BICC1: variants seen among roughly 807,000 people sequenced by gnomAD.
BICC1 encodes BicC family RNA binding protein 1.
Under a neutral mutation model 111.0 loss-of-function variants are expected in BICC1, and 43 were observed. The ratio of observed to expected loss-of-function variants is 0.39; its 90% CI spans 0.30 to 0.50. The LOEUF is 0.50. BICC1 is among the 20% of genes least tolerant of loss of function. BICC1 has a pLI of 0.88. For missense variants in BICC1, 1,091 were observed against 1,203.2 expected (o/e 0.91, Z 1.38); for synonymous variants, 467 against 434.4 (o/e 1.07, Z -0.93).
At position 58,612,704 on chromosome 10, in the gene BICC1, A is replaced by G. The variant is rs1317253800; in HGVS notation, c.191-8151A>G. Among the ~76,000 whole-genome samples the G allele has an allele frequency of 5.9e-5, 9 of 152,302 alleles. No individual in the cohort carries two copies. The East Asian group carries it at 1.4e-3, about 23-fold the overall frequency. ...TTTGAACTTGGTATTTTCTTGCTCA[A>G]ATTCCAAAGGGGAAGAAACCCCATT... On this transcript the variant is annotated intron_variant, in intron 1 of 20. Coordinates refer to ENST00000373886, the MANE Select transcript of BICC1 (RefSeq NM_001080512.3).
intron 8 of BICC1, among the ~76,000 whole-genome samples, chr10:58,791,962 T>C (rs183927754): frequency 3.3e-4 from 50 of 152,156 alleles, no homozygotes; most frequent in Admixed American, 2.5e-3. Context: ...TGGCTAATTT[T>C]TTTAGTTTTA....
At chr10:58,757,140 G>T (rs1842170602) in intron 3 of BICC1, among the ~76,000 whole-genome samples, 1 of 152,156 alleles carries the variant, frequency 6.6e-6, no homozygotes, top group Non-Finnish European at 1.5e-5. Flanking sequence ...CAAGACTTTA[G>T]AATATACAAG....
chr10:58,739,857 A>G (rs920064400), intron 3 of BICC1, among the ~76,000 whole-genome samples: 13 of 152,216 alleles, frequency 8.5e-5, no homozygotes, highest in Non-Finnish European at 1.9e-4. Context: ...TGAATGGCTT[A>G]TATCTCCACT....
At chr10:58,777,079 A>G (rs920168450) in intron 3 of BICC1, among the ~76,000 whole-genome samples, 5 of 151,058 alleles carry the variant, frequency 3.3e-5, no homozygotes, top group Non-Finnish European at 4.4e-5. Flanking sequence ...TCCAATTCTC[A>G]CACTCCTTAA....
At chr10:58,739,732 T>C (rs1191442436) in intron 3 of BICC1, among the ~76,000 whole-genome samples, 1 of 152,168 alleles carries the variant, frequency 6.6e-6, no homozygotes, top group Non-Finnish European at 1.5e-5. Context: ...TATATAGATA[T>C]ATGTACACAT....
rs150576896 is a variant in BICC1, at chr10:58,515,172, G to T, written c.190+1839G>T. 2.0e-5 allele frequency among the ~76,000 whole-genome samples: 3 copies of T among 152,278 alleles called. No individual in the cohort carries two copies. In the East Asian group the frequency reaches 5.8e-4, roughly 29 times the overall value. ...TTTGTATTAATAGATGTGATACTACGATCTGAGACGGTTTGAAATTGCTTT... is the reference window on the plus strand; with the variant it reads ...TTTGTATTAATAGATGTGATACTACTATCTGAGACGGTTTGAAATTGCTTT... On this transcript the variant is annotated intron_variant, in intron 1 of 20. Transcript: ENST00000373886.
At chr10:58,782,798 AG>A (rs1404470937) in intron 3 of BICC1, among the ~76,000 whole-genome samples, 1 of 152,204 alleles carries the variant, frequency 6.6e-6, no homozygotes, top group Non-Finnish European at 1.5e-5. Context: ...AGCTCAGCCA[AG>A]TATCCTACCT....
chr10:58,776,659 G>A (rs1038582926), intron 3 of BICC1, among the ~76,000 whole-genome samples: 5 of 151,980 alleles, frequency 3.3e-5, no homozygotes, highest in Admixed American at 2.0e-4. Flanking sequence ...TCTTGGCTTC[G>A]TCTCCACCAT....
At chr10:58,676,915 C>CA (rs996050849) in intron 2 of BICC1, among the ~76,000 whole-genome samples, 4 of 152,192 alleles carry the variant, frequency 2.6e-5, no homozygotes, top group African/African-American at 9.7e-5. Flanking sequence ...ACAGGGTCTG[C>CA]AGTGGACCTC....
In BICC1 at chr10:58,829,095, A is replaced by G. The variant is rs1837571033; in HGVS notation, c.*204A>G. On this transcript the variant is annotated 3_prime_UTR_variant, in exon 21 of 21. Coordinates refer to ENST00000373886, the MANE Select transcript of BICC1 (RefSeq NM_001080512.3). ...ATGTCATACAGAACACCAAATATGGATTACTTTTTTAAAATGGCAGTTGGA... is the reference window on the plus strand; with the variant it reads ...ATGTCATACAGAACACCAAATATGGGTTACTTTTTTAAAATGGCAGTTGGA... 2.2e-6 allele frequency: 1 copy of G among 460,106 alleles called. No homozygotes were observed. The highest frequency in any genetic ancestry group is 2.0e-5 in the African/African-American group (1 of 49,216). The allele number at this position is 460,106 out of a possible 1,614,324, so 28.5% of individuals were successfully genotyped here.
At chr10:58,659,956 T>A (rs1466607163) in intron 2 of BICC1, among the ~76,000 whole-genome samples, 1 of 152,174 alleles carries the variant, frequency 6.6e-6, no homozygotes, top group African/African-American at 2.4e-5. Flanking sequence ...GGCATGGAGG[T>A]AGTTTTGTGT....
At position 58,799,183 on chromosome 10, in the gene BICC1, T is replaced by C; in HGVS notation, c.1656T>C (p.Val552=). Residue 552 remains valine (V), a synonymous_variant, in exon 12 of 21, where the codon GTT becomes GTC. Coordinates refer to ENST00000373886, the MANE Select transcript of BICC1 (RefSeq NM_001080512.3). ...CTCCCCCTCCTGGCTTGACTCCTGTTGATGTCCATATCAACAGTATGCAGA... is the reference window on the plus strand; with the variant it reads ...CTCCCCCTCCTGGCTTGACTCCTGTCGATGTCCATATCAACAGTATGCAGA... ...APSPPPGLTP[V]DVHINSMQTE... is the part of the protein sequence containing the mutation. 2 of 1,613,836 alleles carry C rather than the reference T, an allele frequency of 1.2e-6. No homozygotes were observed. Among genetic ancestry groups the C allele is most frequent in the Non-Finnish European group, 1.7e-6 (2 of 1,179,902 alleles).
chr10:58,537,524 C>T (rs970537584), intron 1 of BICC1, among the ~76,000 whole-genome samples: 6 of 151,704 alleles, frequency 4.0e-5, no homozygotes, highest in African/African-American at 1.2e-4. Context: ...TCACAGCTAA[C>T]ATAATACTGA....
At chr10:58,627,180 A>G (rs767048022) in intron 2 of BICC1, among the ~76,000 whole-genome samples, 6 of 152,224 alleles carry the variant, frequency 3.9e-5, no homozygotes, top group Non-Finnish European at 8.8e-5. Context: ...ATAATCTTTA[A>G]TCAACATCTG....
At chr10:58,547,711 T>C (rs1290348848) in intron 1 of BICC1, among the ~76,000 whole-genome samples, 2 of 152,208 alleles carry the variant, frequency 1.3e-5, no homozygotes, top group Admixed American at 1.3e-4. Context: ...TTTTATACTT[T>C]GGATTATAAT....
At chr10:58,745,602 G>GC (rs35346412) in intron 3 of BICC1, among the ~76,000 whole-genome samples, 34,086 of 78,592 alleles carry the variant, frequency 0.43, 7,416 homozygotes, top group Non-Finnish European at 0.5. Flanking sequence ...GCCCCCCACC[G>GC]CCCCCCCCCC....
chr10:58,766,158 T>C (rs1449085912), intron 3 of BICC1, among the ~76,000 whole-genome samples: 7 of 152,212 alleles, frequency 4.6e-5, no homozygotes, highest in Admixed American at 1.3e-4. Flanking sequence ...TCCAGTTATA[T>C]TGCTGCTTAG....
intron 3 of BICC1, among the ~76,000 whole-genome samples, chr10:58,707,511 G>T (rs1054650050): frequency 2.0e-5 from 3 of 151,882 alleles, no homozygotes; most frequent in Admixed American, 2.0e-4. Context: ...GAGTGTAAGG[G>T]CATTGTTTGT....
chr10:58,713,373 G>C (rs1050885221), intron 3 of BICC1, among the ~76,000 whole-genome samples: 3 of 152,140 alleles, frequency 2.0e-5, no homozygotes, highest in East Asian at 3.9e-4. Context: ...TTTATGAGGA[G>C]GAAAGGAGAA....
Sources: gnomAD v4.1 joint callset for allele counts (sites outside exome capture counted in the v4.1 genomes callset) on GRCh38, gnomAD v4.1.1 for gene constraint, MANE v1.5 for transcripts, NCBI Gene and HGNC (gene_info 2026-07-23, HGNC 2026-07-21) for gene names.